The following MCUB variants were observed in gnomAD, a reference collection of about 807,000 sequenced individuals.
The protein encoded by MCUB is calcium uniporter regulatory subunit MCUb, mitochondrial.
Under a neutral mutation model 41.4 loss-of-function variants are expected in MCUB, and 46 were observed. The ratio of observed to expected loss-of-function variants is 1.11; its 90% CI spans 0.88 to 1.42. MCUB has a LOEUF of 1.42. MCUB is among the 40% of genes most tolerant of loss of function. The pLI, the probability that MCUB is intolerant of heterozygous loss-of-function variation, is 0.00. For synonymous variants in MCUB, 148 were observed against 148.2 expected (o/e 1.00, Z 0.01); for missense variants, 403 against 404.9 (o/e 1.00, Z 0.04).
intron 1 of MCUB, among the ~76,000 whole-genome samples, chr4:109,634,572 A>G (rs1003655881): frequency 1.3e-5 from 2 of 152,030 alleles, no homozygotes; most frequent in African/African-American, 4.8e-5. Context: ...GTGACTTCCA[A>G]CACTGTAGAT....
At chr4:109,631,610 A>T (rs1391268715) in intron 1 of MCUB, among the ~76,000 whole-genome samples, 1 of 152,240 alleles carries the variant, frequency 6.6e-6, no homozygotes, top group South Asian at 2.1e-4. Context: ...TTAATTTATT[A>T]TCCGTCAGCC....
chr4:109,582,149 C>T (rs186449404), intron 1 of MCUB, among the ~76,000 whole-genome samples: 12,582 of 151,568 alleles, frequency 0.083, 710 homozygotes, highest in East Asian at 0.24. Flanking sequence ...AATGATAGAC[C>T]GGATTAAGAA....
intron 1 of MCUB, among the ~76,000 whole-genome samples, chr4:109,629,029 G>A (rs1001701456): frequency 8.5e-5 from 13 of 152,082 alleles, no homozygotes; most frequent in Non-Finnish European, 5.9e-5. Context: ...ATTATTTGTG[G>A]GACCTGTTAG....
intron 1 of MCUB, among the ~76,000 whole-genome samples, chr4:109,645,225 C>T (rs1561238771): frequency 6.6e-6 from 1 of 152,072 alleles, no homozygotes; most frequent in African/African-American, 2.4e-5. Context: ...AATTAGTGTT[C>T]CTTAAAATCA....
chr4:109,569,213 A>AT (rs1353748433), intron 1 of MCUB, among the ~76,000 whole-genome samples: 1 of 151,362 alleles, frequency 6.6e-6, no homozygotes, highest in Non-Finnish European at 1.5e-5. Context: ...CGCCCGGCCA[A>AT]TTTTTTATAT....
intron 1 of MCUB, among the ~76,000 whole-genome samples, chr4:109,649,631 CT>C (rs1014891219): frequency 1.3e-5 from 2 of 150,904 alleles, no homozygotes; most frequent in Admixed American, 6.6e-5. Context: ...TAGGCAATCT[CT>C]TTTTTTTTCA....
Position 109,613,394 on chromosome 4 carries a change from A to G in MCUB, c.100-45617A>G, listed in dbSNP as rs1045011569. ...AAATCATGTTGTTGGCTGCAACTGT[A>G]GTCATTACAAGGCTGTTGGAAAGCT... On this transcript the variant is annotated intron_variant, in intron 1 of 7. Coordinates refer to ENST00000394650, the MANE Select transcript of MCUB (RefSeq NM_017918.5). Among the ~76,000 whole-genome samples, 6 of 152,294 alleles carry G rather than the reference A, an allele frequency of 3.9e-5. No homozygotes were observed. In the South Asian group the frequency reaches 6.2e-4, roughly 16 times the overall value.
chr4:109,672,062 A>G (rs1481089674), intron 4 of MCUB, among the ~76,000 whole-genome samples: 6 of 151,882 alleles, frequency 4.0e-5, no homozygotes, highest in Admixed American at 1.3e-4. Context: ...GAATCATTCT[A>G]TAATCTTATT....
At chr4:109,590,981 G>C (rs952069360) in intron 1 of MCUB, among the ~76,000 whole-genome samples, 1 of 152,084 alleles carries the variant, frequency 6.6e-6, no homozygotes, top group South Asian at 2.1e-4. Context: ...ATACCACTTA[G>C]TAATTCAATC....
intron 4 of MCUB, among the ~76,000 whole-genome samples, chr4:109,678,334 C>T (rs922079538): frequency 1.2e-4 from 18 of 152,148 alleles, no homozygotes; most frequent in East Asian, 1.9e-4. Context: ...GCTGTCTCTT[C>T]GGAGCTGTTG....
chr4:109,626,436 G>A (rs944118488), intron 1 of MCUB, among the ~76,000 whole-genome samples: 1 of 151,930 alleles, frequency 6.6e-6, no homozygotes, highest in Admixed American at 6.6e-5. Context: ...CATCTCTGTC[G>A]CTACATAGAT....
rs2126154247 is a variant in MCUB at position 109,687,990 on chromosome 4, C to CT, written c.*399dup. On this transcript the variant is annotated 3_prime_UTR_variant, in exon 8 of 8. Coordinates refer to ENST00000394650, the MANE Select transcript of MCUB (RefSeq NM_017918.5). ...AAACTCCTGGGCTCAAGCAACCCTC[C>CT]TGCCTCAACCTCCCACGGAATCGTC... 1 of 158,798 alleles carries CT rather than the reference C, an allele frequency of 6.3e-6. No homozygotes were observed. Among genetic ancestry groups the CT allele is most frequent in the South Asian group, 2.0e-4 (1 of 5,018 alleles). 9.8% of individuals were successfully genotyped at this position (158,798 alleles called of 1,614,324 possible). A position where few individuals can be genotyped will look rare whatever the true frequency, so the allele number is the denominator to read the frequency against.
intron 1 of MCUB, among the ~76,000 whole-genome samples, chr4:109,591,730 G>A (rs188435090): frequency 3.8e-4 from 58 of 151,896 alleles, no homozygotes; most frequent in African/African-American, 1.3e-3. Context: ...ATGGAGTCTG[G>A]CTCTGTCACC....
intron 1 of MCUB, among the ~76,000 whole-genome samples, chr4:109,644,081 T>G (rs1249236039): frequency 6.6e-6 from 1 of 152,304 alleles, no homozygotes; most frequent in Non-Finnish European, 1.5e-5. Context: ...GTGAAGGTCT[T>G]TGTCATGTTC....
chr4:109,654,443 T>G (rs1251006931), intron 1 of MCUB, among the ~76,000 whole-genome samples: 2 of 151,980 alleles, frequency 1.3e-5, no homozygotes, highest in African/African-American at 4.8e-5. Context: ...AAACCCCATC[T>G]CTACTAAAAA....
intron 1 of MCUB, among the ~76,000 whole-genome samples, chr4:109,565,812 G>A (rs986267886): frequency 1.5e-4 from 22 of 150,478 alleles, no homozygotes; most frequent in South Asian, 8.4e-4. Context: ...TATGATATGC[G>A]AAACCCATCA....
chr4:109,670,181 C>T lies in MCUB; in HGVS notation c.451+5787C>T, dbSNP rs537244990. Among the ~76,000 whole-genome samples, 3 of 152,222 alleles carry T rather than the reference C, an allele frequency of 2.0e-5. No homozygotes were observed. The South Asian group carries it at 6.2e-4, about 32-fold the overall frequency. On this transcript the variant is annotated intron_variant, in intron 4 of 7. Transcript: ENST00000394650. ...AAGTAAGGTATGGAGGGGAAGTGTT[C>T]TGTAGTCCTATGATTAAGGGGACTA... is the stretch of plus-strand genomic sequence containing the variant.
rs371660732 is a variant in MCUB, at chr4:109,661,668, A to C, written c.346+1303A>C. On this transcript the variant is annotated intron_variant, in intron 3 of 7. Transcript: ENST00000394650. The stretch of plus-strand genomic sequence containing the variant: ...CAGAGTGTGGAAGATGTGTGTGGGC[A>C]GGGGTGGGCTTGATAAGATTACATT... Among the ~76,000 whole-genome samples the C allele has an allele frequency of 6.6e-5, 10 of 152,222 alleles. No homozygotes were observed. In the East Asian group the frequency reaches 1.7e-3, roughly 26 times the overall value.
At chr4:109,656,861 T>G (rs1729115500) in intron 1 of MCUB, among the ~76,000 whole-genome samples, 1 of 152,162 alleles carries the variant, frequency 6.6e-6, no homozygotes, top group African/African-American at 2.4e-5. Context: ...TTATTGAGAG[T>G]TGCATCTATT....
Sources: allele counts gnomAD v4.1 joint callset (sites outside exome capture counted in the v4.1 genomes callset), GRCh38; gene constraint gnomAD v4.1.1; transcripts MANE v1.5; gene names NCBI Gene and HGNC (gene_info 2026-07-23, HGNC 2026-07-21).